Variants in DENND1C observed in about 807,000 individuals in gnomAD.
DENND1C encodes DENN domain containing 1C, also known as DENN domain-containing protein 1C.
A neutral mutation model predicts 87.9 loss-of-function variants in DENND1C; 64 were observed. The ratio of observed to expected loss-of-function variants is 0.73; its 90% CI spans 0.60 to 0.90. The LOEUF (loss-of-function observed/expected upper bound fraction) is 0.90, where lower values mean the gene tolerates loss of function less well. Ranked by LOEUF, DENND1C falls within the 40% of genes least tolerant of loss-of-function variation. The probability of loss-of-function intolerance (pLI) is 0.00; values close to 1 mark genes in which losing one functional copy is unlikely to be tolerated. For synonymous variants in DENND1C, 384 were observed against 424.4 expected, an observed-to-expected ratio of 0.90 and a Z score of 1.17; for missense variants, 980 against 1,037.0, an observed-to-expected ratio of 0.95 and a Z score of 0.76.
chr19:6,478,024 G>A (rs913614428), intron 6 of DENND1C, among the ~76,000 whole-genome samples: 17 of 151,816 alleles, frequency 1.1e-4, no homozygotes, highest in Admixed American at 2.6e-4. Context: ...GCAGTGAGGC[G>A]GAATCGCACC....
In DENND1C at chr19:6,479,375, GGTTCCGAA is replaced by G. The variant is rs1480781524; in HGVS notation, c.176+286_176+293del. ...TGGTCCCTGAGTTTCTGAGTCTCTG[GGTTCCGAA>G]GTCCCTGAATCCTTGTGTCCCTGAG... On this transcript the variant is annotated intron_variant, in intron 4 of 22. Coordinates refer to ENST00000381480, the MANE Select transcript of DENND1C (RefSeq NM_024898.4). Among the ~76,000 whole-genome samples, 55 of 139,556 alleles carry G rather than the reference GGTTCCGAA, an allele frequency of 3.9e-4. 2 individuals are homozygous for G. Among genetic ancestry groups the G allele is most frequent in the African/African-American group, 1.8e-3 (54 of 30,514 alleles). The allele number at this position is 139,556 out of a possible 152,430, so 91.6% of individuals were successfully genotyped here.
Position 6,475,857 on chromosome 19 carries a change from TG to T in DENND1C, c.758del (p.Pro253HisfsTer36). 1.3e-6 allele frequency: 2 copies of T among 1,548,790 alleles called. No individual in the cohort carries two copies. Among genetic ancestry groups the T allele is most frequent in the Admixed American group, 2.1e-5 (1 of 47,892 alleles). ...WEHVLIPTLP[P>X]HLLDYCCAPM... is the part of the protein sequence containing the mutation. ...CTCACCAGCAGTAGTCCAGCAGGTGTGGGGGCAGCGTGGGGATCAGCACGTG... is the reference window on the plus strand; with the variant it reads ...CTCACCAGCAGTAGTCCAGCAGGTGTGGGGCAGCGTGGGGATCAGCACGTG... On this transcript the variant is annotated frameshift_variant, in exon 11 of 23. Transcript: ENST00000381480. LOFTEE classifies it high-confidence loss of function.
In DENND1C at chr19:6,479,819, T is replaced by A. The variant is rs779362783; in HGVS notation, c.126+40A>T. On this transcript the variant is annotated intron_variant, in intron 3 of 22. Transcript: ENST00000381480. ...ACCAAGTCCCCTCCCCCTGGGAGAC[T>A]GGCCCTCGCCCTGGGGGAGCAAGGA... is the stretch of plus-strand genomic sequence containing the variant. The A allele has an allele frequency of 1.9e-6, 3 of 1,613,540 alleles. No individual in the cohort carries two copies. The South Asian group carries it at 3.3e-5, about 18-fold the overall frequency.
At position 6,467,645 on chromosome 19, in the gene DENND1C, C is replaced by A. The variant is rs1403056910; in HGVS notation, c.2265G>T (p.Leu755=). The A allele has an allele frequency of 1.1e-5, 17 of 1,542,572 alleles. No homozygotes were observed. The East Asian group carries it at 3.9e-4, about 35-fold the overall frequency. Residue 755 remains leucine (L), a synonymous_variant, in exon 23 of 23, where the codon CTG becomes CTT. Transcript: ENST00000381480. ...GCTGGAGGTGAGCGCGCTCTGCCAG[C>A]AGGGCTTTGGGAGGCCGGGCTCTGG... ...EDPRARPPKA[L]LAERAHLQPR... is the part of the protein sequence containing the mutation.
intron 14 of DENND1C, 42 bp downstream of exon 14, chr19:6,475,232 A>T: frequency 1.2e-6 from 2 of 1,609,540 alleles, no homozygotes; most frequent in Non-Finnish European, 1.7e-6. Flanking sequence ...CGATTCATTC[A>T]GGAACCCACG....
chr19:6,479,685 G>A lies in DENND1C; in HGVS notation c.160C>T (p.Pro54Ser). The change falls in exon 4 of 23, where the codon CCT becomes TCT. Residue 54 changes from proline to serine, a missense_variant. Coordinates refer to ENST00000381480, the MANE Select transcript of DENND1C (RefSeq NM_024898.4). ...CTTCCGTACCTTTCCACATCAAAAG[G>A]GAAGCAGAATTTAGGCACCATCTGC... ...AMQMVPKFCF[P>S]FDVEREPPSP... is the part of the protein sequence containing the mutation. 1 of 1,613,900 alleles carries A rather than the reference G, an allele frequency of 6.2e-7. No individual in the cohort carries two copies. Among genetic ancestry groups the A allele is most frequent in the Non-Finnish European group, 8.5e-7 (1 of 1,179,856 alleles).
rs2092800018 is a variant in DENND1C at position 6,467,222 on chromosome 19, G to A, written c.*282C>T. On this transcript the variant is annotated 3_prime_UTR_variant, in exon 23 of 23. Transcript: ENST00000381480. The stretch of plus-strand genomic sequence containing the variant: ...AAATTAGTAGTGAGATGTAACAAAA[G>A]CTTTATTGGTGTGTTTGAGCTGGTG... 2 of 527,682 alleles carry A rather than the reference G, an allele frequency of 3.8e-6. No homozygotes were observed. Among genetic ancestry groups the A allele is most frequent in the South Asian group, 3.8e-5 (1 of 26,646 alleles). 32.7% of individuals were successfully genotyped at this position (527,682 alleles called of 1,614,324 possible).
Position 6,479,884 on chromosome 19 carries a change from T to A in DENND1C, c.101A>T (p.Gln34Leu). 6.2e-7 allele frequency: 1 copy of A among 1,607,326 alleles called. No homozygotes were observed. Among genetic ancestry groups the A allele is most frequent in the Non-Finnish European group, 8.5e-7 (1 of 1,177,020 alleles). Residue 34 changes from glutamine to leucine, a missense_variant, in exon 3 of 23, where the codon CAG becomes CTG. Coordinates refer to ENST00000381480, the MANE Select transcript of DENND1C (RefSeq NM_024898.4). ...CTGGTCCCTGAAGTCTGGAGGGAAC[T>A]GCCGCAGGATGGGGGGATCTGTAGA... ...SLQEDPPILR[Q>L]FPPDFRDQEA...
intron 15 of DENND1C, 81 bp from the exon 16 acceptor site, chr19:6,471,577 T>A (rs565948120): frequency 3.7e-6 from 5 of 1,335,702 alleles, no homozygotes; most frequent in South Asian, 1.5e-5. Flanking sequence ...GCTGTCAAGA[T>A]GTAGAAGCCA....
At chr19:6,470,724 C>T (rs1444844559) in intron 17 of DENND1C, among the ~76,000 whole-genome samples, 7 of 145,828 alleles carry the variant, frequency 4.8e-5, no homozygotes, top group South Asian at 4.3e-4. Context: ...CTGGTTCAAG[C>T]GATTCTCCTG....
chr19:6,481,579 G>A lies in DENND1C; in HGVS notation c.17+100C>T. 6 of 1,558,648 alleles carry A rather than the reference G, an allele frequency of 3.8e-6. No homozygotes were observed. In the South Asian group the frequency reaches 5.8e-5, roughly 15 times the overall value. ...CAGCCACCTGCCCTGGCAGGTCACTGCACCTCCCGGGCCTGCTCCAGCCCC... is the reference window on the plus strand; with the variant it reads ...CAGCCACCTGCCCTGGCAGGTCACTACACCTCCCGGGCCTGCTCCAGCCCC... On this transcript the variant is annotated intron_variant, in intron 1 of 22. Coordinates refer to ENST00000381480, the MANE Select transcript of DENND1C (RefSeq NM_024898.4).
intron 10 of DENND1C, 40 bp from the exon 11 acceptor site, chr19:6,475,977 C>T: frequency 6.7e-7 from 1 of 1,496,808 alleles, no homozygotes. Context: ...GGGCCTGGAC[C>T]CTCTAGCGCG....
In DENND1C at chr19:6,480,051, T is replaced by A; in HGVS notation, c.18A>T (p.Glu6Asp). The stretch of plus-strand genomic sequence containing the variant: ...AATCAAACACAGCAGGGGAGCCCCC[T>A]CTGTGGGATGCAGAAGGGGTCCAGA... MESRA[E>D]GGSPAVFDWF... The change falls in exon 2 of 23, where the codon GAA (glutamate) becomes GAT (aspartate). Residue 6 changes from glutamate to aspartate, a missense_variant and splice_region_variant. Transcript: ENST00000381480. 4 of 1,600,878 alleles carry A rather than the reference T, an allele frequency of 2.5e-6. No homozygotes were observed. Among genetic ancestry groups the A allele is most frequent in the Non-Finnish European group, 3.4e-6 (4 of 1,175,068 alleles).
chr19:6,475,162 G>A, intron 14 of DENND1C, 112 bp downstream of exon 14: 2 of 1,531,364 alleles, frequency 1.3e-6, no homozygotes, highest in Non-Finnish European at 1.8e-6. Flanking sequence ...ATCCCAAAGT[G>A]TTGGGATTAC....
Position 6,467,408 on chromosome 19 carries a change from T to C in DENND1C, c.*96A>G, listed in dbSNP as rs1001421289. The C allele has an allele frequency of 7.1e-7, 1 of 1,411,370 alleles. No individual in the cohort carries two copies. The allele number at this position is 1,411,370 out of a possible 1,614,324, so 87.4% of individuals were successfully genotyped here. A position where few individuals can be genotyped will look rare whatever the true frequency, so the allele number is the denominator to read the frequency against. On this transcript the variant is annotated 3_prime_UTR_variant, in exon 23 of 23. Transcript: ENST00000381480. Reference sequence around the variant, plus strand: ...GGGTGGGATGGATTTCCGAGCAGAGTGAGGGCACCAGAGAAATTCACCAGG... The same window carrying C: ...GGGTGGGATGGATTTCCGAGCAGAGCGAGGGCACCAGAGAAATTCACCAGG...
At chr19:6,478,608 G>A (rs1048953697) in intron 6 of DENND1C, among the ~76,000 whole-genome samples, 175 bp downstream of exon 6, 2 of 151,960 alleles carry the variant, frequency 1.3e-5, no homozygotes, top group Non-Finnish European at 2.9e-5. Context: ...TGCCCAGCTG[G>A]TCTCGAACTC....
At chr19:6,473,469 T>TCA (rs2092841244) in intron 14 of DENND1C, among the ~76,000 whole-genome samples, 1 of 139,924 alleles carries the variant, frequency 7.1e-6, no homozygotes. Context: ...TTTTTTTTTT[T>TCA]TTTTTTCATT....
chr19:6,479,431 G>A (rs114730473), intron 4 of DENND1C, among the ~76,000 whole-genome samples: 40 of 142,064 alleles, frequency 2.8e-4, no homozygotes, highest in African/African-American at 1.1e-3. Context: ...TGAGTCCCTG[G>A]GTCCCTGGGT....
Position 6,475,892 on chromosome 19 carries a change from G to A in DENND1C, c.724C>T (p.Arg242Cys), listed in dbSNP as rs1357608382. 7.7e-6 allele frequency: 12 copies of A among 1,565,768 alleles called. No individual in the cohort carries two copies. Among genetic ancestry groups the A allele is most frequent in the Non-Finnish European group, 1.0e-5 (12 of 1,164,738 alleles). The change falls in exon 11 of 23, where the codon CGC becomes TGC. Residue 242 changes from arginine (R) to cysteine (C), a missense_variant. Arg to Cys is a radical substitution (Grantham distance 180, BLOSUM62 -3). Coordinates refer to ENST00000381480, the MANE Select transcript of DENND1C (RefSeq NM_024898.4). The part of the protein sequence containing the change: ...HASCALLYPM[R>C]WEHVLIPTLP... ...GTGGGGATCAGCACGTGCTCCCAGC[G>A]CATGGGGTACAGGAGCGCGCAGGAC...
Sources: allele counts gnomAD v4.1 joint callset (sites outside exome capture counted in the v4.1 genomes callset), GRCh38; gene constraint gnomAD v4.1.1; transcripts MANE v1.5; gene names NCBI Gene and HGNC (gene_info 2026-07-23, HGNC 2026-07-21).